CEP128: variants seen among roughly 807,000 people sequenced by gnomAD.
CEP128 encodes the protein centrosomal protein 128.
CEP128 carries 132 observed loss-of-function variants against 156.7 expected under a neutral mutation model. That is an observed-to-expected ratio of 0.84 (90% confidence interval 0.73 to 0.97). The LOEUF (loss-of-function observed/expected upper bound fraction) is 0.97, where lower values mean the gene tolerates loss of function less well. Among genes scored for constraint, CEP128 ranks in the 50% least tolerant of loss-of-function variants. The pLI, the probability that CEP128 is intolerant of heterozygous loss-of-function variation, is 0.00. For synonymous variants in CEP128, 469 were observed against 448.9 expected (o/e 1.04, Z -0.57); for missense variants, 1,252 against 1,281.9 (o/e 0.98, Z 0.36).
chr14:80,584,183 G>A (rs933506641), intron 19 of CEP128, among the ~76,000 whole-genome samples: 2 of 126,548 alleles, frequency 1.6e-5, no homozygotes, highest in Non-Finnish European at 3.1e-5. Context: ...CGTCTCATCC[G>A]ATGCCCAGAC....
intron 13 of CEP128, among the ~76,000 whole-genome samples, chr14:80,803,007 G>C (rs529840521): frequency 6.6e-6 from 1 of 152,200 alleles, no homozygotes; most frequent in South Asian, 2.1e-4. Flanking sequence ...AGGAAAGAAC[G>C]CATTTGTCAG....
chr14:80,763,065 A>G (rs948830523), intron 16 of CEP128, among the ~76,000 whole-genome samples: 6 of 152,190 alleles, frequency 3.9e-5, no homozygotes, highest in African/African-American at 1.4e-4. Flanking sequence ...TTTTCTCCCT[A>G]TAGACAGATC....
chr14:80,712,830 G>A (rs757821645), intron 19 of CEP128, among the ~76,000 whole-genome samples: 28 of 152,014 alleles, frequency 1.8e-4, no homozygotes, highest in Admixed American at 9.2e-4. Context: ...TAACCAAGTC[G>A]GTAGCTGTGG....
intron 13 of CEP128, among the ~76,000 whole-genome samples, chr14:80,811,541 T>C (rs766295977): frequency 1.3e-5 from 2 of 152,208 alleles, no homozygotes; most frequent in East Asian, 3.9e-4. Flanking sequence ...AAGTGCTTTA[T>C]TGGTACCTGT....
At chr14:80,807,341 A>T (rs901217518) in intron 13 of CEP128, among the ~76,000 whole-genome samples, 3 of 152,214 alleles carry the variant, frequency 2.0e-5, no homozygotes, top group Admixed American at 1.3e-4. Flanking sequence ...AAAGTTAAAA[A>T]TTTAGGTCAA....
chr14:80,676,452 T>A (rs28432268), intron 19 of CEP128, among the ~76,000 whole-genome samples: 37,842 of 147,002 alleles, frequency 0.26, 5,167 homozygotes, highest in East Asian at 0.46. Context: ...TGATTTTTTT[T>A]AAAAAAAAAA....
intron 2 of CEP128, among the ~76,000 whole-genome samples, chr14:80,948,316 A>G (rs949384693): frequency 1.2e-4 from 18 of 152,324 alleles, no homozygotes; most frequent in Admixed American, 3.9e-4. Flanking sequence ...ATCTTTAGCC[A>G]TTCATTGTGC....
At chr14:80,569,844 C>A (rs1891064194) in intron 20 of CEP128, among the ~76,000 whole-genome samples, 1 of 152,030 alleles carries the variant, frequency 6.6e-6, no homozygotes, top group Non-Finnish European at 1.5e-5. Flanking sequence ...GGTCAGCTTA[C>A]ATCCCTATGA....
intron 16 of CEP128, among the ~76,000 whole-genome samples, chr14:80,768,910 G>A (rs928828517): frequency 6.6e-6 from 1 of 152,116 alleles, no homozygotes; most frequent in African/African-American, 2.4e-5. Flanking sequence ...TATTGGATAC[G>A]TTCCTAGAAA....
intron 15 of CEP128, among the ~76,000 whole-genome samples, chr14:80,784,253 T>C (rs1325712214): frequency 7.0e-6 from 1 of 142,590 alleles, no homozygotes; most frequent in East Asian, 2.0e-4. Context: ...ATAAATAATA[T>C]GGAATCTATA....
intron 13 of CEP128, among the ~76,000 whole-genome samples, chr14:80,816,094 A>C (rs1272926418): frequency 2.0e-5 from 3 of 152,182 alleles, no homozygotes; most frequent in Non-Finnish European, 4.4e-5. Flanking sequence ...ATACCCCTTA[A>C]ATTTGTATAC....
intron 20 of CEP128, among the ~76,000 whole-genome samples, chr14:80,574,085 A>G (rs1891257318): frequency 6.6e-6 from 1 of 152,198 alleles, no homozygotes; most frequent in Admixed American, 6.5e-5. Context: ...CATCTTAGGG[A>G]TGAGTAGGGA....
At chr14:80,936,571 T>A (rs1885820191) in intron 2 of CEP128, among the ~76,000 whole-genome samples, 2 of 152,226 alleles carry the variant, frequency 1.3e-5, no homozygotes, top group African/African-American at 4.8e-5. Flanking sequence ...CTGACAAGTC[T>A]CTGAGTCATT....
intron 2 of CEP128, among the ~76,000 whole-genome samples, chr14:80,949,434 T>C (rs939494542): frequency 3.9e-5 from 6 of 151,920 alleles, no homozygotes; most frequent in African/African-American, 4.8e-5. Context: ...AGAGTACTAA[T>C]CATTACACAC....
intron 19 of CEP128, among the ~76,000 whole-genome samples, chr14:80,685,731 A>G (rs1444791150): frequency 6.6e-6 from 1 of 152,176 alleles, no homozygotes; most frequent in Non-Finnish European, 1.5e-5. Context: ...TGCAGTAACC[A>G]AAATAGCATG....
At chr14:80,641,208 C>T (rs1879444843) in intron 19 of CEP128, among the ~76,000 whole-genome samples, 1 of 152,182 alleles carries the variant, frequency 6.6e-6, no homozygotes, top group South Asian at 2.1e-4. Flanking sequence ...AGCATTTACC[C>T]CTTCTGTATA....
At chr14:80,567,802 T>C (rs1333280864) in intron 20 of CEP128, among the ~76,000 whole-genome samples, 1 of 152,070 alleles carries the variant, frequency 6.6e-6, no homozygotes, top group Non-Finnish European at 1.5e-5. Flanking sequence ...TGATGGTGGC[T>C]AGGGGCAATG....
chr14:80,873,221 A>G (rs1888114707), intron 8 of CEP128, among the ~76,000 whole-genome samples: 1 of 152,230 alleles, frequency 6.6e-6, no homozygotes, highest in Non-Finnish European at 1.5e-5. Flanking sequence ...GCTGGGCACC[A>G]GTGAGGAGTG....
intron 23 of CEP128, chr14:80,514,764 G>C (rs60723494): frequency 5.1e-4 from 138 of 271,550 alleles, no homozygotes; most frequent in African/African-American, 2.9e-3. Flanking sequence ...TTCATGGATG[G>C]TTCTGATGCT....
Sources: gnomAD v4.1 joint callset for allele counts (sites outside exome capture counted in the v4.1 genomes callset) on GRCh38, gnomAD v4.1.1 for gene constraint, MANE v1.5 for transcripts, NCBI Gene and HGNC (gene_info 2026-07-23, HGNC 2026-07-21) for gene names.